COL8A1: variants seen among roughly 807,000 people sequenced by gnomAD.
COL8A1 encodes collagen alpha-1(VIII) chain.
In COL8A1, 21 loss-of-function variants were observed where a neutral mutation model predicts 42.7. The observed-to-expected ratio is 0.49, with a 90% CI of 0.35 to 0.71. The LOEUF (loss-of-function observed/expected upper bound fraction) is 0.71, where lower values mean the gene tolerates loss of function less well. Among genes scored for constraint, COL8A1 ranks in the 30% least tolerant of loss-of-function variants. COL8A1 has a pLI of 0.01. For missense variants in COL8A1, 788 were observed against 962.4 expected, an observed-to-expected ratio of 0.82 and a Z score of 2.40; for synonymous variants, 367 against 369.1, an observed-to-expected ratio of 0.99 and a Z score of 0.06.
chr3:99,689,822 C>T (rs549244781), intron 1 of COL8A1, among the ~76,000 whole-genome samples: 2 of 152,178 alleles, frequency 1.3e-5, no homozygotes, highest in Non-Finnish European at 2.9e-5. Flanking sequence ...AATGTCTTCC[C>T]ATCTATTCAA....
rs1295204374 is a variant in COL8A1, at chr3:99,795,459, G to A, written c.1558G>A (p.Glu520Lys). 5 of 1,524,098 alleles carry A rather than the reference G, an allele frequency of 3.3e-6. No individual in the cohort carries two copies. In the Admixed American group the frequency reaches 6.6e-5, roughly 20 times the overall value. The allele number at this position is 1,524,098 out of a possible 1,614,324, so 94.4% of individuals were successfully genotyped here. Residue 520 changes from glutamate (E) to lysine (K), a missense_variant, in exon 4 of 4, where the codon GAG (glutamate) becomes AAG (lysine). Transcript: ENST00000652472. ...ACCTGGGATTCCAGGCCCCAAAGGG[G>A]AGCCGGGCCTCCCAGGGCCCCCTGG... ...GPPGIPGPKG[E>K]PGLPGPPGFP...
intron 1 of COL8A1, among the ~76,000 whole-genome samples, chr3:99,732,397 C>A (rs1442320992): frequency 6.6e-6 from 1 of 152,008 alleles, no homozygotes; most frequent in African/African-American, 2.4e-5. Context: ...GCTGGGGAGG[C>A]CTAAGGAAAC....
rs562445379 is a variant in COL8A1 at position 99,676,462 on chromosome 3, A to G, written c.-129+37798A>G. ...TAGGATTCAAAAATCAATCAATGTAATTTACCACATTAATAAAAAAGAAAA... is the reference window on the plus strand; with the variant it reads ...TAGGATTCAAAAATCAATCAATGTAGTTTACCACATTAATAAAAAAGAAAA... On this transcript the variant is annotated intron_variant, in intron 1 of 3. Transcript: ENST00000652472. Among the ~76,000 whole-genome samples, 7 of 152,236 alleles carry G rather than the reference A, an allele frequency of 4.6e-5. No homozygotes were observed. In the South Asian group the frequency reaches 1.5e-3, roughly 32 times the overall value.
chr3:99,699,349 A>G (rs901124893), intron 1 of COL8A1, among the ~76,000 whole-genome samples: 3 of 152,230 alleles, frequency 2.0e-5, no homozygotes, highest in Admixed American at 6.5e-5. Flanking sequence ...CTTGTAAATC[A>G]CAGCCTGTCT....
intron 1 of COL8A1, among the ~76,000 whole-genome samples, chr3:99,733,390 T>C (rs1009905683): frequency 7.3e-6 from 1 of 137,326 alleles, no homozygotes; most frequent in African/African-American, 2.8e-5. Flanking sequence ...TCAGTGAGAA[T>C]ATGTGGTGTT....
intron 1 of COL8A1, among the ~76,000 whole-genome samples, chr3:99,692,852 G>A (rs1939259510): frequency 6.6e-6 from 1 of 152,230 alleles, no homozygotes; most frequent in Non-Finnish European, 1.5e-5. Flanking sequence ...CTACTGCACT[G>A]CCAGCGGTAT....
intron 2 of COL8A1, among the ~76,000 whole-genome samples, chr3:99,775,215 C>A (rs758706323): frequency 1.3e-5 from 2 of 152,178 alleles, no homozygotes; most frequent in Non-Finnish European, 2.9e-5. Context: ...GGGCTCCAGT[C>A]TCTCCTGGCC....
At chr3:99,714,648 C>T (rs113005447) in intron 1 of COL8A1, among the ~76,000 whole-genome samples, 1 of 152,098 alleles carries the variant, frequency 6.6e-6, no homozygotes, top group African/African-American at 2.4e-5. Flanking sequence ...TTCATTTATC[C>T]ATCCATTCTT....
intron 2 of COL8A1, among the ~76,000 whole-genome samples, chr3:99,761,655 T>A (rs1027261304): frequency 6.6e-6 from 1 of 152,140 alleles, no homozygotes; most frequent in Admixed American, 6.5e-5. Flanking sequence ...GTGCACAAGT[T>A]TCCCCAGGAA....
chr3:99,691,382 T>C (rs1939214266), intron 1 of COL8A1: 1 of 152,110 alleles, frequency 6.6e-6, no homozygotes, highest in Non-Finnish European at 1.5e-5. Flanking sequence ...CTTGGGTAAA[T>C]CACTTTGCTT....
At chr3:99,779,545 G>A (rs1003464900) in intron 2 of COL8A1, among the ~76,000 whole-genome samples, 7 of 152,166 alleles carry the variant, frequency 4.6e-5, no homozygotes, top group Non-Finnish European at 8.8e-5. Flanking sequence ...ATACAAAGAA[G>A]GCTCCTCAGA....
At chr3:99,728,172 T>C (rs978513261) in intron 1 of COL8A1, among the ~76,000 whole-genome samples, 3 of 152,010 alleles carry the variant, frequency 2.0e-5, no homozygotes, top group Admixed American at 6.6e-5. Flanking sequence ...AATTAAAGGG[T>C]ATTCAATTAG....
At chr3:99,786,606 C>G (rs1303802154) in intron 2 of COL8A1, among the ~76,000 whole-genome samples, 1 of 152,170 alleles carries the variant, frequency 6.6e-6, no homozygotes, top group African/African-American at 2.4e-5. Context: ...AAGACACCTG[C>G]ATTGCTTTTT....
chr3:99,731,135 G>T (rs1241146612), intron 1 of COL8A1, among the ~76,000 whole-genome samples: 1 of 152,014 alleles, frequency 6.6e-6, no homozygotes, highest in African/African-American at 2.4e-5. Flanking sequence ...GAACGATAGG[G>T]GTTGAGACAG....
intron 2 of COL8A1, among the ~76,000 whole-genome samples, chr3:99,751,060 T>A (rs894966460): frequency 6.6e-6 from 1 of 152,182 alleles, no homozygotes; most frequent in Non-Finnish European, 1.5e-5. Context: ...GAGATGCCAT[T>A]TAAAAATTTA....
At chr3:99,687,017 G>T (rs1939074589) in intron 1 of COL8A1, among the ~76,000 whole-genome samples, 2 of 151,980 alleles carry the variant, frequency 1.3e-5, no homozygotes, top group East Asian at 3.9e-4. Context: ...CAATTTTTTT[G>T]TTTTTTATAG....
chr3:99,770,939 GT>G (rs1348390086), intron 2 of COL8A1, among the ~76,000 whole-genome samples: 2 of 152,222 alleles, frequency 1.3e-5, no homozygotes, highest in Admixed American at 1.3e-4. Context: ...CTTCGCCAGA[GT>G]GGTCAAGGAA....
Position 99,794,529 on chromosome 3 carries a change from C to T in COL8A1, c.628C>T (p.Pro210Ser), listed in dbSNP as rs766768123. 1.9e-6 allele frequency: 3 copies of T among 1,613,972 alleles called. No individual in the cohort carries two copies. Among genetic ancestry groups the T allele is most frequent in the Non-Finnish European group, 2.5e-6 (3 of 1,179,906 alleles). Residue 210 changes from proline to serine, a missense_variant, in exon 4 of 4, where the codon CCA becomes TCA. Physicochemically the swap from Pro to Ser is moderately conservative, Grantham distance 74 (BLOSUM62 -1). Transcript: ENST00000652472. This position sits in a 1 kb window ranked among gnomAD's most constrained non-coding sequence, Gnocchi z 4.3. ...TCATGGACTTCCTGGCATTGGGAAG[C>T]CAGGTGGGCCAGGGTTACCAGGGCA... ...GPHGLPGIGK[P>S]GGPGLPGQPG...
At chr3:99,779,865 C>T (rs924594263) in intron 2 of COL8A1, among the ~76,000 whole-genome samples, 3 of 152,168 alleles carry the variant, frequency 2.0e-5, no homozygotes, top group African/African-American at 4.8e-5. Context: ...TAGAATCTTA[C>T]AAGCATCCTG....
Sources: allele counts gnomAD v4.1 joint callset (sites outside exome capture counted in the v4.1 genomes callset), GRCh38; gene constraint gnomAD v4.1.1; non-coding constraint Gnocchi (gnomAD v3.1); transcripts MANE v1.5; gene names NCBI Gene and HGNC (gene_info 2026-07-23, HGNC 2026-07-21).